Variants in CABYR observed in about 807,000 individuals in gnomAD.
CABYR encodes calcium-binding tyrosine phosphorylation-regulated protein.
A neutral mutation model predicts 36.1 loss-of-function variants in CABYR; 31 were observed. The observed-to-expected ratio is 0.86, with a 90% CI of 0.64 to 1.16. The LOEUF (loss-of-function observed/expected upper bound fraction) is 1.16, where lower values mean the gene tolerates loss of function less well. CABYR is among the 50% of genes most tolerant of loss of function. The probability of loss-of-function intolerance (pLI) is 0.00; values close to 1 mark genes in which losing one functional copy is unlikely to be tolerated. For synonymous variants in CABYR, 146 were observed against 160.7 expected, an observed-to-expected ratio of 0.91 and a Z score of 0.69; for missense variants, 429 against 455.8, an observed-to-expected ratio of 0.94 and a Z score of 0.53.
At chr18:24,160,421 G>A (rs2085927041) in intron 5 of CABYR, among the ~76,000 whole-genome samples, 1 of 152,198 alleles carries the variant, frequency 6.6e-6, no homozygotes, top group Non-Finnish European at 1.5e-5. Context: ...CATGTTTAGG[G>A]AGTAGGGAGG....
intron 4 of CABYR, chr18:24,156,991 T>C (rs1233319240): frequency 6.3e-7 from 1 of 1,597,154 alleles, no homozygotes; most frequent in Non-Finnish European, 8.6e-7. Flanking sequence ...TAAGGTTTGA[T>C]GAAGCCAGGT....
intron 3 of CABYR, among the ~76,000 whole-genome samples, chr18:24,147,791 C>A (rs1042064387): frequency 6.6e-6 from 1 of 151,972 alleles, no homozygotes; most frequent in Non-Finnish European, 1.5e-5. Context: ...TAACACAATC[C>A]CCCTCTGTCA....
At chr18:24,159,011 A>C (rs1171741377) in intron 4 of CABYR, among the ~76,000 whole-genome samples, 1 of 152,196 alleles carries the variant, frequency 6.6e-6, no homozygotes, top group Admixed American at 6.5e-5. Context: ...CTGAAGGGCC[A>C]GAGAGATTTT....
intron 3 of CABYR, among the ~76,000 whole-genome samples, chr18:24,149,606 C>T (rs940149832): frequency 2.6e-5 from 4 of 152,208 alleles, no homozygotes; most frequent in Non-Finnish European, 5.9e-5. Flanking sequence ...GAGCAGGGGG[C>T]GGTGCTCATC....
At chr18:24,149,250 C>A (rs553949804) in intron 3 of CABYR, among the ~76,000 whole-genome samples, 5 of 151,478 alleles carry the variant, frequency 3.3e-5, no homozygotes, top group African/African-American at 9.7e-5. Flanking sequence ...TACAGAGTGC[C>A]GATTGGTGTA....
chr18:24,142,743 T>C (rs2085354937), intron 1 of CABYR, among the ~76,000 whole-genome samples: 1 of 152,070 alleles, frequency 6.6e-6, no homozygotes. Flanking sequence ...GGAGATAGTT[T>C]ATTCTTGGAA....
intron 3 of CABYR, among the ~76,000 whole-genome samples, chr18:24,149,742 C>T (rs949031662): frequency 5.3e-5 from 8 of 152,258 alleles, no homozygotes; most frequent in East Asian, 1.9e-4. Flanking sequence ...AGCACAGCGC[C>T]GGTGGGCTGG....
chr18:24,159,330 A>C (rs1476776043), intron 4 of CABYR, 142 bp from the exon 5 acceptor site: 1 of 652,504 alleles, frequency 1.5e-6, no homozygotes, highest in Admixed American at 2.7e-5. Flanking sequence ...AAACACGATT[A>C]TGCAGCCCTC....
chr18:24,159,406 C>T lies in CABYR; in HGVS notation c.542-66C>T, dbSNP rs137863914. ...TATATGTAAAAGAGACTTACAAAGA[C>T]ATTACTATGCATAGTGCCTGATACA... On this transcript the variant is annotated intron_variant, in intron 4 of 5. Coordinates refer to ENST00000399496, the MANE Select transcript of CABYR (RefSeq NM_153769.3). 700 of 1,054,366 alleles carry T rather than the reference C, an allele frequency of 6.6e-4. 15 individuals carry two copies. In the East Asian group the frequency reaches 0.015, roughly 23 times the overall value. 65.3% of individuals were successfully genotyped at this position (1,054,366 alleles called of 1,614,324 possible).
chr18:24,146,994 T>A (rs923316103), intron 3 of CABYR, among the ~76,000 whole-genome samples: 2 of 152,190 alleles, frequency 1.3e-5, no homozygotes, highest in East Asian at 3.9e-4. Context: ...AGAAATGCTT[T>A]TAAAGAAGTT....
chr18:24,147,554 G>A (rs1407969241), intron 3 of CABYR, among the ~76,000 whole-genome samples: 1 of 152,118 alleles, frequency 6.6e-6, no homozygotes, highest in Non-Finnish European at 1.5e-5. Flanking sequence ...CTATGATGTA[G>A]GAAATCGAAA....
chr18:24,139,170 G>GTC (rs150104245), intron 1 of CABYR, 52 bp downstream of exon 1: 2,942 of 151,922 alleles, frequency 0.019, 46 homozygotes, highest in East Asian at 0.087. Flanking sequence ...AGACCATTAT[G>GTC]TCTCAGGGAG....
At position 24,159,612 on chromosome 18, in the gene CABYR, C is replaced by A. The variant is rs1450752186; in HGVS notation, c.682C>A (p.Pro228Thr). 1.2e-6 allele frequency: 2 copies of A among 1,614,096 alleles called. No homozygotes were observed. The highest frequency in any genetic ancestry group is 3.3e-5 in the Admixed American group (2 of 60,016). Residue 228 changes from proline (P) to threonine (T), a missense_variant, in exon 5 of 6, where the codon CCT (proline) becomes ACT (threonine). Coordinates refer to ENST00000399496, the MANE Select transcript of CABYR (RefSeq NM_153769.3). ...TTTTCCCCAAGCAACCCTCTATTTA[C>A]CTAATCCTAAGGATCCACAGTTTCA... ...GPFPQATLYL[P>T]NPKDPQFQQH... is the part of the protein sequence containing the mutation.
chr18:24,149,905 C>T (rs918139024), intron 3 of CABYR, among the ~76,000 whole-genome samples: 2 of 152,226 alleles, frequency 1.3e-5, no homozygotes, highest in African/African-American at 2.4e-5. Flanking sequence ...GCAAGCGCGG[C>T]GCGCAGCCCC....
chr18:24,161,504 T>G lies in CABYR; in HGVS notation c.*-12T>G, dbSNP rs889589104. On this transcript the variant is annotated splice_polypyrimidine_tract_variant and intron_variant, in intron 5 of 5. Transcript: ENST00000399496. ...ACTTTAAACAATTCAATGTTTGCATTATTCCTAACAGATCCAGAAATGACG... is the reference window on the plus strand; with the variant it reads ...ACTTTAAACAATTCAATGTTTGCATGATTCCTAACAGATCCAGAAATGACG... The G allele has an allele frequency of 1.0e-5, 8 of 780,308 alleles. No individual in the cohort carries two copies. In the African/African-American group the frequency reaches 1.4e-4, roughly 13 times the overall value. The allele number at this position is 780,308 out of a possible 1,614,324, so 48.3% of individuals were successfully genotyped here.
chr18:24,140,767 AGCTC>A (rs1412332020), intron 1 of CABYR, among the ~76,000 whole-genome samples: 1 of 126,372 alleles, frequency 7.9e-6, no homozygotes, highest in Admixed American at 1.1e-4. Flanking sequence ...TTCAATTTTT[AGCTC>A]TCACAAATAA....
At chr18:24,145,703 C>T (rs886492386) in intron 3 of CABYR, among the ~76,000 whole-genome samples, 5 of 152,094 alleles carry the variant, frequency 3.3e-5, no homozygotes, top group South Asian at 2.1e-4. Context: ...AGATCAGAAC[C>T]GTTTAGTGTT....
chr18:24,160,177 T>TAAG, intron 5 of CABYR, 108 bp downstream of exon 5: 1 of 817,678 alleles, frequency 1.2e-6, no homozygotes, highest in Middle Eastern at 3.4e-4. Flanking sequence ...TTTGAGATAA[T>TAAG]AAGTTGGGGT....
At chr18:24,160,240 A>G (rs2085919766) in intron 5 of CABYR, 171 bp downstream of exon 5, 10 of 602,676 alleles carry the variant, frequency 1.7e-5, no homozygotes, top group Non-Finnish European at 2.6e-5. Context: ...ACCAGTTACT[A>G]ATAAATGCAC....
Sources: gnomAD v4.1 joint callset for allele counts (sites outside exome capture counted in the v4.1 genomes callset) on GRCh38, gnomAD v4.1.1 for gene constraint, MANE v1.5 for transcripts, NCBI Gene and HGNC (gene_info 2026-07-23, HGNC 2026-07-21) for gene names.